Variants in PTPN23 observed in about 807,000 individuals in gnomAD.
The protein encoded by PTPN23 is protein tyrosine phosphatase non-receptor type 23.
A neutral mutation model predicts 156.3 loss-of-function variants in PTPN23; 72 were observed. The ratio of observed to expected loss-of-function variants is 0.46; its 90% CI spans 0.38 to 0.56. PTPN23 has a LOEUF of 0.56. Among genes scored for constraint, PTPN23 ranks in the 20% least tolerant of loss-of-function variants. The pLI, the probability that PTPN23 is intolerant of heterozygous loss-of-function variation, is 0.00. For synonymous variants in PTPN23, 957 were observed against 899.6 expected (o/e 1.06, Z -1.14); for missense variants, 1,974 against 2,171.5 (o/e 0.91, Z 1.81).
intron 1 of PTPN23, among the ~76,000 whole-genome samples, chr3:47,381,959 G>A (rs948184585): frequency 6.6e-6 from 1 of 152,142 alleles, no homozygotes; most frequent in African/African-American, 2.4e-5. Flanking sequence ...GACATCCGCT[G>A]TATTGGTAGC....
In PTPN23 at chr3:47,381,065, AGTGGCCGG is replaced by A. The variant is rs746999380; in HGVS notation, c.-23_-16del. 1,355 of 1,555,330 alleles carry A rather than the reference AGTGGCCGG, an allele frequency of 8.7e-4. 2 individuals are homozygous for A. Among genetic ancestry groups the A allele is most frequent in the Admixed American group, 1.4e-3 (74 of 51,500 alleles). The stretch of plus-strand genomic sequence containing the variant: ...AGCCAGCAGCTGCAGCAGCTACGGG[AGTGGCCGG>A]GTGGCCGGCGGGTGCCAGCCGCCAT... On this transcript the variant is annotated 5_prime_UTR_variant, in exon 1 of 25. Transcript: ENST00000265562.
chr3:47,400,793 C>T (rs1405637285), intron 2 of PTPN23, among the ~76,000 whole-genome samples: 1 of 152,080 alleles, frequency 6.6e-6, no homozygotes, highest in African/African-American at 2.4e-5. Flanking sequence ...AGACTGGTCT[C>T]AAACTCTCAA....
At chr3:47,403,153 C>T (rs535276700) in intron 2 of PTPN23, among the ~76,000 whole-genome samples, 4 of 151,602 alleles carry the variant, frequency 2.6e-5, no homozygotes, top group Non-Finnish European at 4.4e-5. Context: ...CGGGGGTTCA[C>T]GCCATTCTCC....
In PTPN23 at chr3:47,408,875, T is replaced by C. The variant is rs530915462; in HGVS notation, c.1430T>C (p.Val477Ala). ...ELLEQKFQEA[V>A]GQAGAISITS... Reference sequence around the variant, plus strand: ...CTAGAGCAGAAGTTTCAGGAGGCGGTGGGCCAGGCAGGGGCCATCTCCATC... The same window carrying C: ...CTAGAGCAGAAGTTTCAGGAGGCGGCGGGCCAGGCAGGGGCCATCTCCATC... The change falls in exon 16 of 25, where the codon GTG becomes GCG. Residue 477 changes from valine (V) to alanine (A), a missense_variant. Val to Ala is a moderately conservative substitution (Grantham distance 64). This residue lies in a region of PTPN23 where 726 missense variants were observed against 929.5 expected (regional missense o/e 0.78). Coordinates refer to ENST00000265562, the MANE Select transcript of PTPN23 (RefSeq NM_015466.4). The C allele has an allele frequency of 6.2e-7, 1 of 1,614,178 alleles. No homozygotes were observed. Among genetic ancestry groups the C allele is most frequent in the South Asian group, 1.1e-5 (1 of 91,086 alleles).
At chr3:47,409,601 CCACCTGGAGCCCAGCCCCATGGTT>C in intron 18 of PTPN23, 30 bp from the exon 19 acceptor site, 1 of 1,612,074 alleles carries the variant, frequency 6.2e-7, no homozygotes, top group Non-Finnish European at 8.5e-7. Flanking sequence ...TTTCCCGGAG[CCACCTGGAGCCCAGCCCCATGGTT>C]CACCTGGAGC....
chr3:47,387,092 A>G (rs1704669188), intron 1 of PTPN23, among the ~76,000 whole-genome samples: 1 of 152,196 alleles, frequency 6.6e-6, no homozygotes, highest in Non-Finnish European at 1.5e-5. Context: ...GTATTATTGT[A>G]GGGATTAGAC....
Position 47,413,154 on chromosome 3 carries a change from T to A in PTPN23, c.4880T>A (p.Leu1627Gln), listed in dbSNP as rs1234436161. Residue 1627 changes from leucine to glutamine, a missense_variant, in exon 25 of 25, where the codon CTG becomes CAG. Coordinates refer to ENST00000265562, the MANE Select transcript of PTPN23 (RefSeq NM_015466.4). ...CCCTCTGACGACCCCCTCAGCCTTC[T>A]GGATCCACTCTGGACACTCAACAAG... Reference protein sequence around the residue: ...TRPSDDPLSLLDPLWTLNKT With the variant: ...TRPSDDPLSLQDPLWTLNKT 6.2e-7 allele frequency: 1 copy of A among 1,612,632 alleles called. No individual in the cohort carries two copies. The highest frequency in any genetic ancestry group is 1.1e-5 in the South Asian group (1 of 91,066).
At chr3:47,389,840 CA>C (rs34520125) in intron 1 of PTPN23, among the ~76,000 whole-genome samples, 707 of 32,366 alleles carry the variant, frequency 0.022, 4 homozygotes, top group African/African-American at 0.051. Context: ...GACTCCGTCT[CA>C]AAAAAAAAAA....
Position 47,410,064 on chromosome 3 carries a change from C to T in PTPN23, c.2266C>T (p.Pro756Ser), listed in dbSNP as rs2107721752. The T allele has an allele frequency of 6.2e-7, 1 of 1,611,540 alleles. No homozygotes were observed. The highest frequency in any genetic ancestry group is 1.7e-5 in the Admixed American group (1 of 59,682). Reference protein sequence around the residue: ...RSLPPDMVAGPRLPDTFLGSA... With the variant: ...RSLPPDMVAGSRLPDTFLGSA... ...CCTCCCCCCTGACATGGTGGCTGGC[C>T]CACGACTGCCTGACACCTTCCTGGG... The change falls in exon 20 of 25, where the codon CCA becomes TCA. Residue 756 changes from proline (P) to serine (S), a missense_variant. By Grantham distance (74) the Pro-to-Ser change is moderately conservative. Transcript: ENST00000265562.
chr3:47,387,762 GTTAAA>G (rs1287719751), intron 1 of PTPN23, among the ~76,000 whole-genome samples: 8 of 152,140 alleles, frequency 5.3e-5, no homozygotes, highest in East Asian at 3.8e-4. Flanking sequence ...AATTCCAAAT[GTTAAA>G]TTAAGAGCAA....
chr3:47,386,198 T>C (rs540883359), intron 1 of PTPN23, among the ~76,000 whole-genome samples: 1 of 151,878 alleles, frequency 6.6e-6, no homozygotes, highest in South Asian at 2.1e-4. Flanking sequence ...AGAGTCTCGC[T>C]CTGTCACCCA....
Position 47,405,890 on chromosome 3 carries a change from A to G in PTPN23, c.415-25A>G, listed in dbSNP as rs765846696. 6.2e-7 allele frequency: 1 copy of G among 1,611,152 alleles called. No individual in the cohort carries two copies. Among genetic ancestry groups the G allele is most frequent in the Non-Finnish European group, 8.5e-7 (1 of 1,178,354 alleles). ...GAATCCTGACCCATGGAGTGGACAC[A>G]GGCCATCCTCCCACTCCCTCCCAGG... On this transcript the variant is annotated intron_variant, in intron 5 of 24. Transcript: ENST00000265562. The surrounding 1 kb of genome is among the most constrained non-coding windows in gnomAD (Gnocchi z 4.7).
chr3:47,403,315 G>A (rs1368481523), intron 2 of PTPN23, among the ~76,000 whole-genome samples: 4 of 152,044 alleles, frequency 2.6e-5, no homozygotes, highest in African/African-American at 2.4e-5. Context: ...GCCTCCGAAA[G>A]TGCTGGGATT....
intron 2 of PTPN23, among the ~76,000 whole-genome samples, chr3:47,404,205 C>T (rs891928457): frequency 5.3e-5 from 8 of 152,132 alleles, no homozygotes; most frequent in African/African-American, 1.2e-4. Flanking sequence ...GAGGCTGAGG[C>T]GGGTGGATCA....
chr3:47,408,787 G>A lies in PTPN23; in HGVS notation c.1342G>A (p.Val448Met), dbSNP rs780958960. 1 of 1,594,190 alleles carries A rather than the reference G, an allele frequency of 6.3e-7. No homozygotes were observed. Among genetic ancestry groups the A allele is most frequent in the South Asian group, 1.2e-5 (1 of 86,848 alleles). Residue 448 changes from valine to methionine, a missense_variant, in exon 16 of 25, where the codon GTG becomes ATG. Around this residue, in one of 4 missense-constraint regions of PTPN23, gnomAD observed 726 missense variants for 929.5 expected, o/e 0.78. Transcript: ENST00000265562. The part of the protein sequence containing the change: ...LVQSMQVLSG[V>M]FTDVEASLKD... ...ATCCACAACCCCAGTGCTGTCAGGT[G>A]TGTTCACGGATGTGGAGGCTTCCCT...
chr3:47,382,557 G>T (rs1483842809), intron 1 of PTPN23, among the ~76,000 whole-genome samples: 1 of 151,734 alleles, frequency 6.6e-6, no homozygotes, highest in Non-Finnish European at 1.5e-5. Flanking sequence ...CTGACATCAG[G>T]TGATCCGCTT....
chr3:47,384,284 C>A (rs886286753), intron 1 of PTPN23, among the ~76,000 whole-genome samples: 2 of 151,682 alleles, frequency 1.3e-5, no homozygotes, highest in Admixed American at 1.3e-4. Context: ...CTGGCTAACA[C>A]GGTGAAACCC....
rs779912840 is a variant in PTPN23, at chr3:47,396,141, A to G, written c.85-2A>G. On this transcript the variant is annotated splice_acceptor_variant, in intron 1 of 24. Transcript: ENST00000265562. LOFTEE classifies it high-confidence loss of function. ...CTGGCTTATGTTCTTCTCTCTCTGTAGTTTGTCCTGAAGAATTATGGAGAG... is the reference window on the plus strand; with the variant it reads ...CTGGCTTATGTTCTTCTCTCTCTGTGGTTTGTCCTGAAGAATTATGGAGAG... 32 of 1,611,170 alleles carry G rather than the reference A, an allele frequency of 2.0e-5. No homozygotes were observed.
chr3:47,410,189 G>A lies in PTPN23; in HGVS notation c.2391G>A (p.Ser797=), dbSNP rs781484458. ...LSGPLPPGTY[S]GPTQLIQPRA... is the part of the protein sequence containing the mutation. ...GCCCCTTGCCCCCTGGTACCTACTC[G>A]GGCCCCACCCAGCTGATACAGCCCA... Residue 797 remains serine, a synonymous_variant, in exon 20 of 25, where the codon TCG becomes TCA. Transcript: ENST00000265562. 1.2e-5 allele frequency: 19 copies of A among 1,603,704 alleles called. No homozygotes were observed. The South Asian group carries it at 1.7e-4, about 14-fold the overall frequency.
Sources: allele counts gnomAD v4.1 joint callset (sites outside exome capture counted in the v4.1 genomes callset), GRCh38; gene constraint gnomAD v4.1.1; regional missense constraint gnomAD v4.1.1; non-coding constraint Gnocchi (gnomAD v3.1); transcripts MANE v1.5; gene names NCBI Gene and HGNC (gene_info 2026-07-23, HGNC 2026-07-21).